The following LIN28B variants were observed in gnomAD, a reference collection of about 807,000 sequenced individuals.
LIN28B encodes the protein protein lin-28 homolog B.
A neutral mutation model predicts 21.9 loss-of-function variants in LIN28B; 5 were observed. The ratio of observed to expected loss-of-function variants is 0.23; its 90% CI spans 0.12 to 0.48. The LOEUF (loss-of-function observed/expected upper bound fraction) is 0.48. LIN28B is among the 20% of genes least tolerant of loss of function. The pLI is 0.98. For missense variants in LIN28B, 245 were observed against 310.5 expected (o/e 0.79, Z 1.58); for synonymous variants, 109 against 111.3 (o/e 0.98, Z 0.13).
intron 3 of LIN28B, among the ~76,000 whole-genome samples, chr6:105,076,611 T>TTTG (rs1183296719): frequency 6.6e-6 from 1 of 152,114 alleles, no homozygotes; most frequent in East Asian, 1.9e-4. Context: ...TAACACTTTT[T>TTTG]TTGTTGTTGT....
At chr6:104,959,676 A>G (rs1011621740) in intron 2 of LIN28B, among the ~76,000 whole-genome samples, 10 of 152,196 alleles carry the variant, frequency 6.6e-5, no homozygotes, top group Admixed American at 3.9e-4. Flanking sequence ...ACTGGATTTT[A>G]TGCTTCCTAT....
chr6:105,062,432 G>A (rs1364898419), intron 3 of LIN28B, among the ~76,000 whole-genome samples: 2 of 152,138 alleles, frequency 1.3e-5, no homozygotes, highest in Non-Finnish European at 2.9e-5. Context: ...GTCAGCAACA[G>A]TTACCATTTG....
chr6:104,979,334 C>T (rs189498666), intron 2 of LIN28B, among the ~76,000 whole-genome samples: 4 of 151,944 alleles, frequency 2.6e-5, no homozygotes, highest in South Asian at 2.1e-4. Flanking sequence ...CTCAGCCTCC[C>T]GAGTAGCTGA....
chr6:105,032,765 A>G (rs764697426), intron 3 of LIN28B, among the ~76,000 whole-genome samples: 2 of 151,930 alleles, frequency 1.3e-5, no homozygotes, highest in Non-Finnish European at 2.9e-5. Context: ...GCGTGTGGTG[A>G]TATCTCATCA....
At chr6:105,053,328 A>G (rs1196015035) in intron 3 of LIN28B, among the ~76,000 whole-genome samples, 1 of 151,742 alleles carries the variant, frequency 6.6e-6, no homozygotes, top group Non-Finnish European at 1.5e-5. Flanking sequence ...GCATGGTTCT[A>G]TAGTGTTAAT....
At chr6:105,033,177 G>A (rs539524704) in intron 3 of LIN28B, among the ~76,000 whole-genome samples, 5 of 151,942 alleles carry the variant, frequency 3.3e-5, no homozygotes, top group South Asian at 2.1e-4. Flanking sequence ...TTCAAACATC[G>A]TTTATTGAAA....
intron 2 of LIN28B, among the ~76,000 whole-genome samples, chr6:104,970,480 A>G (rs1769953274): frequency 6.6e-6 from 1 of 152,124 alleles, no homozygotes; most frequent in South Asian, 2.1e-4. Flanking sequence ...ATTTATCGAT[A>G]TGTGTCTTGT....
intron 2 of LIN28B, among the ~76,000 whole-genome samples, chr6:104,990,709 G>A (rs1178731962): frequency 6.6e-5 from 10 of 152,054 alleles, no homozygotes; most frequent in Middle Eastern, 3.4e-3. Flanking sequence ...AGGACCCTGC[G>A]CCTTCTGCAG....
intron 2 of LIN28B, among the ~76,000 whole-genome samples, chr6:104,995,193 G>A (rs949380517): frequency 6.6e-6 from 1 of 152,196 alleles, no homozygotes; most frequent in Non-Finnish European, 1.5e-5. Context: ...TAAGAGAACT[G>A]CATTTCTAGG....
At chr6:105,003,648 G>A (rs1031599180) in intron 2 of LIN28B, among the ~76,000 whole-genome samples, 7 of 152,148 alleles carry the variant, frequency 4.6e-5, no homozygotes, top group South Asian at 4.2e-4. Flanking sequence ...AAGTAGCTGG[G>A]ACTACAGGGG....
At chr6:105,007,803 T>G (rs1770846703) in intron 2 of LIN28B, among the ~76,000 whole-genome samples, 1 of 151,996 alleles carries the variant, frequency 6.6e-6, no homozygotes, top group Non-Finnish European at 1.5e-5. Context: ...TTTTTAATAT[T>G]TATTTTTTAA....
chr6:105,027,081 A>G (rs1184496251), intron 3 of LIN28B, among the ~76,000 whole-genome samples: 2 of 152,154 alleles, frequency 1.3e-5, no homozygotes, highest in African/African-American at 4.8e-5. Flanking sequence ...GTGGATATTT[A>G]GGCTACCTCA....
At chr6:105,075,803 A>G (rs1772414771) in intron 3 of LIN28B, among the ~76,000 whole-genome samples, 1 of 152,210 alleles carries the variant, frequency 6.6e-6, no homozygotes, top group Non-Finnish European at 1.5e-5. Context: ...AGTGCATACC[A>G]CGGTGACTGA....
At chr6:104,993,854 T>C (rs1002294308) in intron 2 of LIN28B, among the ~76,000 whole-genome samples, 1 of 150,310 alleles carries the variant, frequency 6.7e-6, no homozygotes, top group Non-Finnish European at 1.5e-5. Context: ...AAAAAAAAGT[T>C]AAGACCCTTA....
intron 2 of LIN28B, among the ~76,000 whole-genome samples, chr6:104,986,060 G>A (rs770394637): frequency 1.1e-4 from 16 of 152,038 alleles, no homozygotes; most frequent in African/African-American, 3.1e-4. Context: ...TATGGGGGCC[G>A]ATTTTCTACT....
rs1167524220 is a variant in LIN28B at position 104,957,270 on chromosome 6, C to A, written c.10+10C>A. ...GGCAACATGGCCGAAGGTTAATTTT[C>A]TTTTCTATTGTTTTACTGTGAATTT... On this transcript the variant is annotated intron_variant, in intron 1 of 3. Transcript: ENST00000345080. 1 of 1,598,014 alleles carries A rather than the reference C, an allele frequency of 6.3e-7. No individual in the cohort carries two copies. The highest frequency in any genetic ancestry group is 2.2e-5 in the East Asian group (1 of 44,730).
chr6:105,067,387 G>A (rs1320758012), intron 3 of LIN28B, among the ~76,000 whole-genome samples: 1 of 152,112 alleles, frequency 6.6e-6, no homozygotes, highest in Non-Finnish European at 1.5e-5. Flanking sequence ...ATTTATTTGT[G>A]TATATGTGTG....
intron 3 of LIN28B, among the ~76,000 whole-genome samples, chr6:105,070,390 AATAAT>A (rs899671072): frequency 2.6e-5 from 4 of 152,144 alleles, no homozygotes; most frequent in African/African-American, 7.2e-5. Context: ...TAATTACACA[AATAAT>A]ATATCAGTTC....
chr6:104,942,345 C>A (rs1479140887), intron 2 of LIN28B, among the ~76,000 whole-genome samples: 1 of 151,878 alleles, frequency 6.6e-6, no homozygotes, highest in African/African-American at 2.4e-5. Context: ...TGGTTATTAC[C>A]ATATTTACTT....
Sources: allele counts gnomAD v4.1 joint callset (sites outside exome capture counted in the v4.1 genomes callset), GRCh38; gene constraint gnomAD v4.1.1; transcripts MANE v1.5; gene names NCBI Gene and HGNC (gene_info 2026-07-23, HGNC 2026-07-21).